The following TBCEL variants were observed in gnomAD, a reference collection of about 807,000 sequenced individuals.
TBCEL encodes the protein tubulin folding cofactor E like.
A neutral mutation model predicts 44.2 loss-of-function variants in TBCEL; 15 were observed. The ratio of observed to expected loss-of-function variants is 0.34; its 90% CI spans 0.23 to 0.52. The LOEUF is 0.52. Ranked by LOEUF, TBCEL falls within the 20% of genes least tolerant of loss-of-function variation. The pLI is 0.95. For missense variants in TBCEL, 319 were observed against 506.3 expected (o/e 0.63, Z 3.55); for synonymous variants, 171 against 185.4 (o/e 0.92, Z 0.63).
At chr11:121,024,622 C>G (rs1316770136) in intron 1 of TBCEL, among the ~76,000 whole-genome samples, 3 of 152,146 alleles carry the variant, frequency 2.0e-5, no homozygotes, top group African/African-American at 7.2e-5. Context: ...ATCTAGGCGT[C>G]TCACCTTGCC....
chr11:121,063,816 A>T (rs529649816), intron 8 of TBCEL, among the ~76,000 whole-genome samples: 1 of 151,364 alleles, frequency 6.6e-6, no homozygotes, highest in Admixed American at 6.6e-5. Flanking sequence ...GGTGGATCTC[A>T]ATCTTTTCTG....
chr11:121,062,395 ACTGTACATAATTTTATGTG>A (rs1263330556), intron 8 of TBCEL, among the ~76,000 whole-genome samples: 1 of 152,140 alleles, frequency 6.6e-6, no homozygotes, highest in African/African-American at 2.4e-5. Context: ...AGTATTATGT[ACTGTACATAATTTTATGTG>A]CTGTACATTT....
Position 121,087,245 on chromosome 11 carries a change from G to A in TBCEL, c.*149G>A. 3 of 811,876 alleles carry A rather than the reference G, an allele frequency of 3.7e-6. No homozygotes were observed. The highest frequency in any genetic ancestry group is 5.6e-6 in the Non-Finnish European group (3 of 532,704). The allele number at this position is 811,876 out of a possible 1,614,324, so 50.3% of individuals were successfully genotyped here. On this transcript the variant is annotated 3_prime_UTR_variant, in exon 9 of 9. Coordinates refer to ENST00000683345, the MANE Select transcript of TBCEL (RefSeq NM_001363644.2). ...AGGATTTTGTATATTTTTCCCCCTGGAGTGAGTAGGGGCCATTTTTGGGTG... is the reference window on the plus strand; with the variant it reads ...AGGATTTTGTATATTTTTCCCCCTGAAGTGAGTAGGGGCCATTTTTGGGTG...
intron 1 of TBCEL, among the ~76,000 whole-genome samples, chr11:121,034,421 T>C (rs1461738072): frequency 6.6e-6 from 1 of 152,200 alleles, no homozygotes; most frequent in African/African-American, 2.4e-5. Flanking sequence ...GGCACCTCTT[T>C]TGGAATCTCC....
chr11:121,055,436 A>C (rs1945601928), intron 6 of TBCEL, 128 bp downstream of exon 6: 1 of 963,010 alleles, frequency 1.0e-6, no homozygotes, highest in East Asian at 2.9e-5. Flanking sequence ...TATGACATGC[A>C]GATGCCTATG....
chr11:121,032,407 A>G (rs908394182), intron 1 of TBCEL, among the ~76,000 whole-genome samples: 2 of 152,232 alleles, frequency 1.3e-5, no homozygotes, highest in African/African-American at 4.8e-5. Flanking sequence ...CCTAGGGGAA[A>G]TATAGGATTA....
intron 3 of TBCEL, 95 bp downstream of exon 3, chr11:121,045,918 T>A (rs1343754646): frequency 1.2e-5 from 15 of 1,301,478 alleles, no homozygotes; most frequent in Middle Eastern, 2.0e-4. Context: ...TTATTTTATT[T>A]TTAATTACAG....
At chr11:121,037,126 C>G (rs1246050303) in intron 2 of TBCEL, among the ~76,000 whole-genome samples, 1 of 152,090 alleles carries the variant, frequency 6.6e-6, no homozygotes, top group African/African-American at 2.4e-5. Flanking sequence ...TGATGTGCCA[C>G]ATTACTACAC....
At chr11:121,060,205 C>T (rs1487425351) in intron 8 of TBCEL, 120 bp downstream of exon 8, 15 of 662,838 alleles carry the variant, frequency 2.3e-5, no homozygotes, top group Admixed American at 2.0e-4. Flanking sequence ...TTTGTTAATA[C>T]GTTAAAAAAA....
intron 8 of TBCEL, among the ~76,000 whole-genome samples, chr11:121,070,571 G>C (rs890919822): frequency 1.3e-5 from 2 of 152,120 alleles, no homozygotes; most frequent in Non-Finnish European, 2.9e-5. Flanking sequence ...GATGAAGCTG[G>C]AAACCATCAT....
intron 5 of TBCEL, among the ~76,000 whole-genome samples, chr11:121,054,414 C>G (rs867923634): frequency 6.6e-6 from 1 of 151,848 alleles, no homozygotes; most frequent in Non-Finnish European, 1.5e-5. Flanking sequence ...GCACCCAACA[C>G]CCAGCATGGC....
At chr11:121,042,396 T>G (rs1401845782) in intron 2 of TBCEL, among the ~76,000 whole-genome samples, 1 of 152,120 alleles carries the variant, frequency 6.6e-6, no homozygotes, top group Non-Finnish European at 1.5e-5. Context: ...GAGTTTACAT[T>G]GAAAAAGAAC....
intron 8 of TBCEL, among the ~76,000 whole-genome samples, chr11:121,073,593 T>G (rs1945977333): frequency 6.6e-6 from 1 of 151,920 alleles, no homozygotes; most frequent in Non-Finnish European, 1.5e-5. Flanking sequence ...CTTTTTTTTC[T>G]TGGATATGAC....
chr11:121,057,277 C>G (rs960200639), intron 6 of TBCEL, among the ~76,000 whole-genome samples: 9 of 151,722 alleles, frequency 5.9e-5, no homozygotes, highest in Admixed American at 5.9e-4. Flanking sequence ...CTATGTTGTT[C>G]TATGAAATAG....
At chr11:121,062,643 C>T (rs1444694074) in intron 8 of TBCEL, among the ~76,000 whole-genome samples, 2 of 152,144 alleles carry the variant, frequency 1.3e-5, no homozygotes, top group Non-Finnish European at 2.9e-5. Context: ...TGCATTTATA[C>T]TTCTGTACTA....
At chr11:121,058,542 T>G in intron 7 of TBCEL, 71 bp downstream of exon 7, 2 of 1,560,256 alleles carry the variant, frequency 1.3e-6, no homozygotes, top group South Asian at 2.2e-5. Flanking sequence ...TAATGCACTG[T>G]TTAGTGGGAG....
At position 121,029,171 on chromosome 11, in the gene TBCEL, G is replaced by A. The variant is rs532944940; in HGVS notation, c.-126+4880G>A. Among the ~76,000 whole-genome samples the A allele has an allele frequency of 2.0e-5, 3 of 152,176 alleles. No individual in the cohort carries two copies. In the East Asian group the frequency reaches 5.8e-4, roughly 29 times the overall value. On this transcript the variant is annotated intron_variant, in intron 1 of 8. Transcript: ENST00000683345. The stretch of plus-strand genomic sequence containing the variant: ...GTTTTACATGTGACTGACCTCCTTA[G>A]TGAAGACAGTCACTCCCTCAGTGTT...
chr11:121,082,153 A>G (rs1946137252), intron 8 of TBCEL, among the ~76,000 whole-genome samples: 1 of 152,254 alleles, frequency 6.6e-6, no homozygotes, highest in African/African-American at 2.4e-5. Context: ...GGCTTAAAGC[A>G]ATGCCTACTT....
intron 8 of TBCEL, among the ~76,000 whole-genome samples, chr11:121,073,004 G>C (rs1273621818): frequency 6.6e-6 from 1 of 151,916 alleles, no homozygotes; most frequent in Non-Finnish European, 1.5e-5. Context: ...CTATTCCATT[G>C]GTGTATTTGT....
Sources: allele counts gnomAD v4.1 joint callset (sites outside exome capture counted in the v4.1 genomes callset), GRCh38; gene constraint gnomAD v4.1.1; transcripts MANE v1.5; gene names NCBI Gene and HGNC (gene_info 2026-07-23, HGNC 2026-07-21).